MYO5B: variants seen among roughly 807,000 people sequenced by gnomAD.
MYO5B encodes the protein unconventional myosin-Vb.
A neutral mutation model predicts 229.3 loss-of-function variants in MYO5B; 143 were observed. The ratio of observed to expected loss-of-function variants is 0.62; its 90% CI spans 0.54 to 0.72. MYO5B has a LOEUF of 0.72. MYO5B is among the 30% of genes least tolerant of loss of function. The pLI, the probability that MYO5B is intolerant of heterozygous loss-of-function variation, is 0.00. For synonymous variants in MYO5B, 918 were observed against 885.2 expected (o/e 1.04, Z -0.66); for missense variants, 2,321 against 2,331.0 (o/e 1.00, Z 0.09).
In MYO5B at chr18:50,134,737, G is replaced by A. The variant is rs1224512962; in HGVS notation, c.27+60030C>T. Among the ~76,000 whole-genome samples, 3 of 152,208 alleles carry A rather than the reference G, an allele frequency of 2.0e-5. No homozygotes were observed. In the East Asian group the frequency reaches 5.8e-4, roughly 29 times the overall value. Reference sequence around the variant, plus strand: ...CTCCATCCACCTGCTGAGGGAAACGGTGCCCTGGGGATTGCTCACGAGGCA... The same window carrying A: ...CTCCATCCACCTGCTGAGGGAAACGATGCCCTGGGGATTGCTCACGAGGCA... On this transcript the variant is annotated intron_variant, in intron 1 of 39. Coordinates refer to ENST00000285039, the MANE Select transcript of MYO5B (RefSeq NM_001080467.3).
chr18:49,917,155 C>G (rs191969413), intron 17 of MYO5B, among the ~76,000 whole-genome samples: 1 of 152,190 alleles, frequency 6.6e-6, no homozygotes, highest in Non-Finnish European at 1.5e-5. Context: ...TGGATATGTT[C>G]ATGCAGGGGT....
At position 49,928,068 on chromosome 18, in the gene MYO5B, G is replaced by T. The variant is rs149955316; in HGVS notation, c.2090+1444C>A. On this transcript the variant is annotated intron_variant, in intron 17 of 39. Transcript: ENST00000285039. ...AAAAAAAACCATCCCGTCAAAAAGTGGGCTAAGGACATGAGAAAATAATTC... is the reference window on the plus strand; with the variant it reads ...AAAAAAAACCATCCCGTCAAAAAGTTGGCTAAGGACATGAGAAAATAATTC... Among the ~76,000 whole-genome samples the T allele has an allele frequency of 7.4e-3, 1,119 of 152,158 alleles. 7 individuals are homozygous for T. The highest frequency in any genetic ancestry group is 0.011 in the Non-Finnish European group (782 of 68,006).
chr18:50,025,330 A>G (rs1305680240), intron 4 of MYO5B, among the ~76,000 whole-genome samples: 1 of 152,164 alleles, frequency 6.6e-6, no homozygotes, highest in Non-Finnish European at 1.5e-5. Context: ...CAAAGAACGC[A>G]GTTTCCACAT....
At chr18:49,941,423 C>T (rs2025312630) in intron 14 of MYO5B, among the ~76,000 whole-genome samples, 1 of 152,220 alleles carries the variant, frequency 6.6e-6, no homozygotes, top group African/African-American at 2.4e-5. Context: ...GAGCAAAGCA[C>T]ACCTCAAATC....
In MYO5B at chr18:49,963,022, G is replaced by A. The variant is rs1781014054; in HGVS notation, c.1331C>T (p.Thr444Ile). 1 of 1,613,576 alleles carries A rather than the reference G, an allele frequency of 6.2e-7. No homozygotes were observed. Among genetic ancestry groups the A allele is most frequent in the Non-Finnish European group, 8.5e-7 (1 of 1,179,528 alleles). The part of the protein sequence containing the change: ...IGVLDIYGFE[T>I]FEVNSFEQFC... ...CTGCTCAAAGCTGTTTACCTCAAATGTCTCAAACCTACAGAATGGAAAGAG... is the reference window on the plus strand; with the variant it reads ...CTGCTCAAAGCTGTTTACCTCAAATATCTCAAACCTACAGAATGGAAAGAG... The change falls in exon 11 of 40, where the codon ACA becomes ATA. Residue 444 changes from threonine to isoleucine, a missense_variant. Coordinates refer to ENST00000285039, the MANE Select transcript of MYO5B (RefSeq NM_001080467.3).
chr18:49,933,431 C>T (rs529413574), intron 16 of MYO5B, among the ~76,000 whole-genome samples: 1 of 152,322 alleles, frequency 6.6e-6, no homozygotes, highest in South Asian at 2.1e-4. Context: ...TCTACCTGTC[C>T]TAGCCCAGTG....
At chr18:49,980,618 C>T in intron 8 of MYO5B, 65 bp from the exon 9 acceptor site, 1 of 1,216,378 alleles carries the variant, frequency 8.2e-7, no homozygotes, top group East Asian at 2.4e-5. Flanking sequence ...ACATTTTACC[C>T]CTTTTAAGGA....
chr18:50,048,214 C>T (rs958496869), intron 2 of MYO5B, among the ~76,000 whole-genome samples: 1 of 151,614 alleles, frequency 6.6e-6, no homozygotes, highest in Admixed American at 6.6e-5. Context: ...CCCCAGAAAG[C>T]TTATTCTCCT....
In MYO5B at chr18:49,825,516, TG is replaced by T. The variant is rs1367151373; in HGVS notation, c.*954del. ...GCGAACTTTAGTTTGTTTTACTATTTGGTTTCTGGAACAGTAGAGCATTATG... is the reference window on the plus strand; with the variant it reads ...GCGAACTTTAGTTTGTTTTACTATTTGTTTCTGGAACAGTAGAGCATTATG... On this transcript the variant is annotated 3_prime_UTR_variant, in exon 40 of 40. Coordinates refer to ENST00000285039, the MANE Select transcript of MYO5B (RefSeq NM_001080467.3). 6.6e-6 allele frequency: 1 copy of T among 152,226 alleles called. No homozygotes were observed. Among genetic ancestry groups the T allele is most frequent in the South Asian group, 2.1e-4 (1 of 4,836 alleles). 9.4% of individuals were successfully genotyped at this position (152,226 alleles called of 1,614,324 possible).
chr18:50,019,683 C>T (rs915590459), intron 4 of MYO5B, among the ~76,000 whole-genome samples: 2 of 152,174 alleles, frequency 1.3e-5, no homozygotes, highest in Non-Finnish European at 1.5e-5. Flanking sequence ...AGGGATTTTG[C>T]CATTTTACTA....
At chr18:49,898,494 G>A (rs747921027) in intron 21 of MYO5B, among the ~76,000 whole-genome samples, 26 of 152,290 alleles carry the variant, frequency 1.7e-4, no homozygotes, top group East Asian at 1.3e-3. Context: ...CCGAGTTCAC[G>A]GACTACATCG....
intron 1 of MYO5B, among the ~76,000 whole-genome samples, chr18:50,135,044 C>T (rs1490840263): frequency 2.0e-5 from 3 of 152,202 alleles, no homozygotes; most frequent in Admixed American, 1.3e-4. Flanking sequence ...AGATAATGCC[C>T]TCCACTCTTC....
chr18:50,141,258 T>C (rs1193369539), intron 1 of MYO5B, among the ~76,000 whole-genome samples: 3 of 152,246 alleles, frequency 2.0e-5, no homozygotes, highest in Non-Finnish European at 4.4e-5. Flanking sequence ...CCCCTTTCCA[T>C]GGCACGGACC....
chr18:50,157,257 C>T (rs1419955532), intron 1 of MYO5B, among the ~76,000 whole-genome samples: 2 of 152,080 alleles, frequency 1.3e-5, no homozygotes, highest in Non-Finnish European at 2.9e-5. Context: ...AGGTGCCTGC[C>T]ACCATGCCCA....
At chr18:50,182,367 G>A (rs2033085248) in intron 1 of MYO5B, among the ~76,000 whole-genome samples, 1 of 152,102 alleles carries the variant, frequency 6.6e-6, no homozygotes, top group Non-Finnish European at 1.5e-5. Context: ...TGGTTTTGGG[G>A]GTGTTTGTTT....
intron 3 of MYO5B, among the ~76,000 whole-genome samples, chr18:50,037,285 G>A (rs774381883): frequency 6.6e-5 from 10 of 151,792 alleles, no homozygotes; most frequent in Admixed American, 2.0e-4. Flanking sequence ...AAATAGACAT[G>A]TGCAAGGTGT....
intron 1 of MYO5B, among the ~76,000 whole-genome samples, chr18:50,114,527 C>A (rs1362584320): frequency 6.6e-6 from 1 of 152,296 alleles, no homozygotes; most frequent in African/African-American, 2.4e-5. Flanking sequence ...GTAACTTAGG[C>A]CTTGGAGAGA....
At chr18:49,931,108 G>C (rs568195886) in intron 16 of MYO5B, among the ~76,000 whole-genome samples, 52 of 152,300 alleles carry the variant, frequency 3.4e-4, no homozygotes, top group African/African-American at 1.2e-3. Context: ...CTGGAGCTAA[G>C]AGTCATGCTT....
intron 36 of MYO5B, 78 bp downstream of exon 36, chr18:49,839,066 G>A: frequency 1.3e-6 from 2 of 1,576,034 alleles, no homozygotes; most frequent in Non-Finnish European, 1.7e-6. Context: ...GTTCCCGAAA[G>A]GCAGAGGGTG....
Sources: allele counts gnomAD v4.1 joint callset (sites outside exome capture counted in the v4.1 genomes callset), GRCh38; gene constraint gnomAD v4.1.1; transcripts MANE v1.5; gene names NCBI Gene and HGNC (gene_info 2026-07-23, HGNC 2026-07-21).